EEA1: variants seen among roughly 807,000 people sequenced by gnomAD.
EEA1 encodes early endosome antigen 1, 162kD.
In EEA1, 111 loss-of-function variants were observed where a neutral mutation model predicts 209.2. That is an observed-to-expected ratio of 0.53 (90% CI 0.45 to 0.62). The LOEUF (loss-of-function observed/expected upper bound fraction) is 0.62, where lower values mean the gene tolerates loss of function less well. Among genes scored for constraint, EEA1 ranks in the 20% least tolerant of loss-of-function variants. The pLI is 0.00. For synonymous variants in EEA1, 536 were observed against 540.6 expected (o/e 0.99, Z 0.12); for missense variants, 1,343 against 1,530.8 (o/e 0.88, Z 2.05).
intron 17 of EEA1, among the ~76,000 whole-genome samples, chr12:92,809,523 TAAAAAAAA>T (rs57998627): frequency 1.9e-5 from 2 of 107,024 alleles, no homozygotes; most frequent in African/African-American, 7.2e-5. Context: ...TTATCTCTAC[TAAAAAAAA>T]AAAAAAAAAA....
chr12:92,807,863 T>C (rs1875291248), intron 18 of EEA1, among the ~76,000 whole-genome samples: 1 of 152,098 alleles, frequency 6.6e-6, no homozygotes, highest in African/African-American at 2.4e-5. Flanking sequence ...ATTTATAGTT[T>C]CAAGGGAATT....
At chr12:92,806,534 C>G (rs899286396) in intron 18 of EEA1, among the ~76,000 whole-genome samples, 1 of 152,170 alleles carries the variant, frequency 6.6e-6, no homozygotes, top group African/African-American at 2.4e-5. Flanking sequence ...AGCCAGTTCA[C>G]TAGTGAATTC....
chr12:92,776,931 T>G lies in EEA1; in HGVS notation c.4026A>C (p.Thr1342=), dbSNP rs770399482. ...RENQSLQIKH[T]QALNRKWAED... ...CGGCCCACTTTCTATTCAACGCTTG[T>G]GTATGTTTGATCTGTTTTTTAAAGA... Residue 1342 remains threonine (T), a synonymous_variant, in exon 28 of 29, where the codon ACA becomes ACC. Coordinates refer to ENST00000322349, the MANE Select transcript of EEA1 (RefSeq NM_003566.4). 4.3e-6 allele frequency: 7 copies of G among 1,611,646 alleles called. No individual in the cohort carries two copies. The South Asian group carries it at 7.7e-5, about 18-fold the overall frequency.
At position 92,898,579 on chromosome 12, in the gene EEA1, G is replaced by T. The variant is rs981638763; in HGVS notation, c.25-6858C>A. On this transcript the variant is annotated intron_variant, in intron 1 of 28. Transcript: ENST00000322349. ...TTCGGGAGGCTGAGGCAGGAGAATT[G>T]CTTGGACCTGGGAGACAGAAGTTGC... 1.1e-4 allele frequency among the ~76,000 whole-genome samples: 16 copies of T among 151,706 alleles called. No individual in the cohort carries two copies. The East Asian group carries it at 3.1e-3, about 29-fold the overall frequency.
At chr12:92,920,877 A>C (rs986313063) in intron 1 of EEA1, among the ~76,000 whole-genome samples, 31 of 151,280 alleles carry the variant, frequency 2.0e-4, no homozygotes, top group Non-Finnish European at 3.6e-4. Context: ...TCCAGAATCT[A>C]CAATGAACTC....
chr12:92,871,823 T>C (rs1022185804), intron 2 of EEA1, among the ~76,000 whole-genome samples: 2 of 152,232 alleles, frequency 1.3e-5, no homozygotes, highest in Admixed American at 6.5e-5. Context: ...AAAAATTCTT[T>C]CTGCTTATGA....
chr12:92,898,641 G>A (rs1482496347), intron 1 of EEA1, among the ~76,000 whole-genome samples: 1 of 147,884 alleles, frequency 6.8e-6, no homozygotes. Flanking sequence ...TCCAGCCTGG[G>A]TGACAGAGCG....
rs747420587 is a variant in EEA1 at position 92,832,768 on chromosome 12, T to G, written c.998A>C (p.Lys333Thr). 6.2e-7 allele frequency: 1 copy of G among 1,613,966 alleles called. No homozygotes were observed. The highest frequency in any genetic ancestry group is 8.5e-7 in the Non-Finnish European group (1 of 1,179,958). ...TTGATGAAGGGTTGCCTGAATATTC[T>G]TTTTACTCACAGATTCTTCATTATG... ...EKHNEESVSK[K>T]NIQATLHQKD... The change falls in exon 11 of 29, where the codon AAG (lysine) becomes ACG (threonine). Residue 333 changes from lysine to threonine, a missense_variant. Coordinates refer to ENST00000322349, the MANE Select transcript of EEA1 (RefSeq NM_003566.4).
Position 92,802,494 on chromosome 12 carries a change from G to T in EEA1, c.2580C>A (p.Asp860Glu), listed in dbSNP as rs923885457. 1.9e-6 allele frequency: 3 copies of T among 1,588,202 alleles called. No individual in the cohort carries two copies. The highest frequency in any genetic ancestry group is 2.6e-6 in the Non-Finnish European group (3 of 1,172,916). Residue 860 changes from aspartate to glutamate, a missense_variant, in exon 19 of 29, where the codon GAC (aspartate) becomes GAA (glutamate). Coordinates refer to ENST00000322349, the MANE Select transcript of EEA1 (RefSeq NM_003566.4). ...AAGAATCAGAAACTTTTGATAGTTT[G>T]TCCTTTACTGTAGAAAGCTCTGTCA... is the stretch of plus-strand genomic sequence containing the variant. ...ALMTELSTVKDKLSKVSDSLK... is the reference protein window; with the variant it reads ...ALMTELSTVKEKLSKVSDSLK...
chr12:92,788,326 AAG>A (rs1234835280), intron 21 of EEA1, among the ~76,000 whole-genome samples: 17 of 152,040 alleles, frequency 1.1e-4, no homozygotes, highest in Non-Finnish European at 1.6e-4. Flanking sequence ...TCTCGGGAGA[AAG>A]AGTAACAACT....
At chr12:92,790,693 C>T (rs1874361852) in intron 21 of EEA1, among the ~76,000 whole-genome samples, 1 of 152,182 alleles carries the variant, frequency 6.6e-6, no homozygotes, top group Non-Finnish European at 1.5e-5. Flanking sequence ...AGTTGGAAAA[C>T]ACTCTTCAGG....
intron 10 of EEA1, among the ~76,000 whole-genome samples, chr12:92,841,261 T>C (rs982131521): frequency 6.6e-6 from 1 of 152,150 alleles, no homozygotes; most frequent in African/African-American, 2.4e-5. Context: ...TGGATATCCA[T>C]GTATAAAAGA....
intron 9 of EEA1, among the ~76,000 whole-genome samples, chr12:92,843,220 C>T (rs1360806368): frequency 2.6e-5 from 4 of 152,022 alleles, no homozygotes; most frequent in Non-Finnish European, 4.4e-5. Flanking sequence ...TGAAGTGGTA[C>T]GATCACAGCT....
rs150091509 is a variant in EEA1, at chr12:92,857,322, C to T, written c.319G>A (p.Glu107Lys). The change falls in exon 5 of 29, where the codon GAA becomes AAA. Residue 107 changes from glutamate (E) to lysine (K), a missense_variant. Glu to Lys is a moderately conservative substitution (Grantham distance 56, BLOSUM62 1). Transcript: ENST00000322349. ...ASLKEEKWYS[E>K]ELKKELEKYQ... ...TTTTCTAATTCCTTCTTTAATTCTT[C>T]CGAGTACCATTTTTCTTCCTAATAA... 1 of 1,593,156 alleles carries T rather than the reference C, an allele frequency of 6.3e-7. No homozygotes were observed.
In EEA1 at chr12:92,774,879, G is replaced by T. The variant is rs1206983486; in HGVS notation, c.*1132C>A. ...AACTTTTAAAAATTCTTCCCAATAG[G>T]GTAAGAAATAGAAAGTAAAATATTT... On this transcript the variant is annotated 3_prime_UTR_variant, in exon 29 of 29. Transcript: ENST00000322349. 1.3e-5 allele frequency: 2 copies of T among 151,380 alleles called. No homozygotes were observed. The highest frequency in any genetic ancestry group is 4.8e-5 in the African/African-American group (2 of 41,298). The allele number at this position is 151,380 out of a possible 1,614,324, so 9.4% of individuals were successfully genotyped here.
intron 2 of EEA1, chr12:92,884,442 G>A: frequency 2.7e-6 from 4 of 1,457,850 alleles, no homozygotes; most frequent in Non-Finnish European, 3.8e-6. Flanking sequence ...TTCAGTGGTG[G>A]TGGTGGATAT....
chr12:92,824,665 T>C (rs993263457), intron 13 of EEA1, among the ~76,000 whole-genome samples: 1 of 152,182 alleles, frequency 6.6e-6, no homozygotes, highest in Non-Finnish European at 1.5e-5. Flanking sequence ...TTTCATCTTT[T>C]CAAAGAGGCC....
rs1873653569 is a variant in EEA1 at position 92,776,226 on chromosome 12, G to A, written c.4114-93C>T. On this transcript the variant is annotated intron_variant, in intron 28 of 28. Coordinates refer to ENST00000322349, the MANE Select transcript of EEA1 (RefSeq NM_003566.4). ...GAATACCACCAACTACATTATGAAG[G>A]TACATTAGCTTTCAAGTCATTGGTA... 1.7e-6 allele frequency: 2 copies of A among 1,204,902 alleles called. 1 individual carries two copies. The highest frequency in any genetic ancestry group is 2.2e-6 in the Non-Finnish European group (2 of 893,120). The allele number at this position is 1,204,902 out of a possible 1,614,324, so 74.6% of individuals were successfully genotyped here.
rs892094267 is a variant in EEA1, at chr12:92,816,407, T to C, written c.1729-7A>G. The C allele has an allele frequency of 6.8e-6, 11 of 1,611,966 alleles. No individual in the cohort carries two copies. The highest frequency in any genetic ancestry group is 1.1e-5 in the South Asian group (1 of 90,962). On this transcript the variant is annotated splice_polypyrimidine_tract_variant and splice_region_variant and intron_variant, in intron 14 of 28. Transcript: ENST00000322349. ...TCTCTGTTAGTTGAGTTACCTGTTA[T>C]ACAAGTAAGACTAATCGTGAAGTTC...
Sources: allele counts gnomAD v4.1 joint callset (sites outside exome capture counted in the v4.1 genomes callset), GRCh38; gene constraint gnomAD v4.1.1; transcripts MANE v1.5; gene names NCBI Gene and HGNC (gene_info 2026-07-23, HGNC 2026-07-21).